ADAMTSL3: variants seen among roughly 807,000 people sequenced by gnomAD.
ADAMTSL3 encodes ADAMTS like 3.
Under a neutral mutation model 201.7 loss-of-function variants are expected in ADAMTSL3, and 128 were observed. The observed-to-expected ratio is 0.63, with a 90% CI of 0.55 to 0.73. The LOEUF is 0.73. Among genes scored for constraint, ADAMTSL3 ranks in the 30% least tolerant of loss-of-function variants. The probability of loss-of-function intolerance (pLI) is 0.00; values close to 1 mark genes in which losing one functional copy is unlikely to be tolerated. For synonymous variants in ADAMTSL3, 738 were observed against 748.4 expected (o/e 0.99, Z 0.23); for missense variants, 1,990 against 2,119.6 (o/e 0.94, Z 1.20).
chr15:83,659,652 A>T lies in ADAMTSL3; in HGVS notation c.69+3822A>T, dbSNP rs536109979. On this transcript the variant is annotated intron_variant, in intron 2 of 29. Coordinates refer to ENST00000286744, the MANE Select transcript of ADAMTSL3 (RefSeq NM_207517.3). The stretch of plus-strand genomic sequence containing the variant: ...ATATGTCCATGTCCTAATCCCTGGA[A>T]CTCATAAATATTCCCTTATATGGCA... Among the ~76,000 whole-genome samples the T allele has an allele frequency of 6.6e-5, 10 of 152,276 alleles. No individual in the cohort carries two copies. The South Asian group carries it at 2.1e-3, about 32-fold the overall frequency.
At chr15:83,793,944 G>T (rs2063382497) in intron 4 of ADAMTSL3, among the ~76,000 whole-genome samples, 1 of 152,088 alleles carries the variant, frequency 6.6e-6, no homozygotes, top group South Asian at 2.1e-4. Flanking sequence ...TCTCTATTAA[G>T]AACTCTCAAA....
intron 17 of ADAMTSL3, among the ~76,000 whole-genome samples, chr15:83,926,208 G>A (rs544152620): frequency 6.6e-6 from 1 of 152,258 alleles, no homozygotes; most frequent in African/African-American, 2.4e-5. Context: ...TGAGTGCTCT[G>A]GGCAGAGGGA....
chr15:83,868,495 G>T (rs2065021035), intron 8 of ADAMTSL3, among the ~76,000 whole-genome samples: 1 of 152,092 alleles, frequency 6.6e-6, no homozygotes. Context: ...TGGGCACAGT[G>T]GCTTTGTTAA....
chr15:83,857,665 G>T (rs1313192830), intron 7 of ADAMTSL3, among the ~76,000 whole-genome samples: 1 of 152,096 alleles, frequency 6.6e-6, no homozygotes, highest in African/African-American at 2.4e-5. Flanking sequence ...GTTAGAAAAA[G>T]ATTTATTTTG....
At chr15:83,791,485 C>T (rs1330435279) in intron 4 of ADAMTSL3, among the ~76,000 whole-genome samples, 3 of 152,098 alleles carry the variant, frequency 2.0e-5, no homozygotes, top group Non-Finnish European at 4.4e-5. Flanking sequence ...AGGGAAAAGA[C>T]AATTGTCTCT....
chr15:83,804,571 TG>T lies in ADAMTSL3; in HGVS notation c.318-78del. 4.1e-6 allele frequency: 4 copies of T among 971,852 alleles called. No individual in the cohort carries two copies. The South Asian group carries it at 5.0e-5, about 12-fold the overall frequency. The allele number at this position is 971,852 out of a possible 1,614,324, so 60.2% of individuals were successfully genotyped here. A position where few individuals can be genotyped will look rare whatever the true frequency, so the allele number is the denominator to read the frequency against. On this transcript the variant is annotated intron_variant, in intron 4 of 29. Coordinates refer to ENST00000286744, the MANE Select transcript of ADAMTSL3 (RefSeq NM_207517.3). Reference sequence around the variant, plus strand: ...TTACAGGGAACCAATGCCTTGTATTTGCTTTTTTTTTTTTTTTTTAATGCTT... The same window carrying T: ...TTACAGGGAACCAATGCCTTGTATTTCTTTTTTTTTTTTTTTTTAATGCTT...
chr15:83,719,222 A>G (rs570294320), intron 3 of ADAMTSL3, among the ~76,000 whole-genome samples: 1 of 152,242 alleles, frequency 6.6e-6, no homozygotes, highest in East Asian at 1.9e-4. Context: ...AAGGAAACAC[A>G]TTAAACTAAA....
chr15:83,712,900 A>C (rs935968742), intron 3 of ADAMTSL3, among the ~76,000 whole-genome samples: 3 of 152,132 alleles, frequency 2.0e-5, no homozygotes, highest in Non-Finnish European at 4.4e-5. Context: ...AGAAGTATTA[A>C]ATCCTGCAGC....
chr15:83,929,539 T>C (rs1204829386), intron 17 of ADAMTSL3, among the ~76,000 whole-genome samples: 2 of 152,156 alleles, frequency 1.3e-5, no homozygotes, highest in African/African-American at 2.4e-5. Flanking sequence ...AAGAACTTAT[T>C]TCCGAATAAG....
At chr15:83,753,661 C>CTTTTTTT in intron 3 of ADAMTSL3, among the ~76,000 whole-genome samples, 1 of 144,984 alleles carries the variant, frequency 6.9e-6, no homozygotes, top group Non-Finnish European at 1.5e-5. Context: ...AAAAACTGTG[C>CTTTTTTT]TTTTTTTTTT....
chr15:83,769,554 C>T (rs1269942191), intron 3 of ADAMTSL3, among the ~76,000 whole-genome samples: 1 of 152,148 alleles, frequency 6.6e-6, no homozygotes, highest in Non-Finnish European at 1.5e-5. Flanking sequence ...CAGATTTGAT[C>T]AGTCACCAGA....
intron 3 of ADAMTSL3, among the ~76,000 whole-genome samples, chr15:83,753,300 C>G (rs975547884): frequency 6.6e-6 from 1 of 152,168 alleles, no homozygotes; most frequent in African/African-American, 2.4e-5. Flanking sequence ...TGCTACTGAT[C>G]TCAGGTGTGC....
intron 23 of ADAMTSL3, among the ~76,000 whole-genome samples, chr15:83,995,160 C>T (rs1399385546): frequency 6.6e-6 from 1 of 152,042 alleles, no homozygotes; most frequent in Non-Finnish European, 1.5e-5. Flanking sequence ...CTTGGGTCGG[C>T]GGAGACAGAT....
At chr15:83,721,588 A>G (rs1160795369) in intron 3 of ADAMTSL3, among the ~76,000 whole-genome samples, 3 of 152,330 alleles carry the variant, frequency 2.0e-5, no homozygotes, top group East Asian at 3.9e-4. Context: ...TATAAGCAGT[A>G]TATCACGGAG....
intron 3 of ADAMTSL3, among the ~76,000 whole-genome samples, chr15:83,773,001 AAT>A (rs1342410749): frequency 6.6e-6 from 1 of 152,220 alleles, no homozygotes; most frequent in Non-Finnish European, 1.5e-5. Context: ...TTTCAGATAT[AAT>A]ACTGAGCTTA....
intron 7 of ADAMTSL3, among the ~76,000 whole-genome samples, chr15:83,855,667 G>A (rs1469729270): frequency 6.6e-6 from 1 of 152,142 alleles, no homozygotes; most frequent in East Asian, 1.9e-4. Flanking sequence ...ATGCCACAAA[G>A]CTCACTGTTC....
chr15:83,990,693 T>C (rs1596506426), intron 22 of ADAMTSL3, among the ~76,000 whole-genome samples: 1 of 152,208 alleles, frequency 6.6e-6, no homozygotes, highest in East Asian at 1.9e-4. Context: ...AATTCATTCA[T>C]GGCTGCACTG....
chr15:83,846,453 C>T (rs766916529), intron 7 of ADAMTSL3, among the ~76,000 whole-genome samples: 13 of 152,162 alleles, frequency 8.5e-5, no homozygotes, highest in Admixed American at 2.0e-4. Flanking sequence ...GAGCATGAGG[C>T]GAGAGGTGCA....
chr15:83,828,592 C>T (rs917984720), intron 6 of ADAMTSL3, among the ~76,000 whole-genome samples: 15 of 152,230 alleles, frequency 9.9e-5, no homozygotes, highest in East Asian at 1.9e-4. Flanking sequence ...AGAGGGCATC[C>T]CTGTCTTGTG....
Sources: gnomAD v4.1 joint callset for allele counts (sites outside exome capture counted in the v4.1 genomes callset) on GRCh38, gnomAD v4.1.1 for gene constraint, MANE v1.5 for transcripts, NCBI Gene and HGNC (gene_info 2026-07-23, HGNC 2026-07-21) for gene names.